The following COL28A1 variants were observed in gnomAD, a reference collection of about 807,000 sequenced individuals.
COL28A1 encodes collagen type XXVIII alpha 1 chain.
COL28A1 carries 161 observed loss-of-function variants against 150.2 expected under a neutral mutation model. The ratio of observed to expected loss-of-function variants is 1.07; its 90% CI spans 0.94 to 1.22. The LOEUF (loss-of-function observed/expected upper bound fraction) is 1.22, where lower values mean the gene tolerates loss of function less well. COL28A1 is among the 50% of genes most tolerant of loss of function. The probability of loss-of-function intolerance (pLI) is 0.00; values close to 1 mark genes in which losing one functional copy is unlikely to be tolerated. For missense variants in COL28A1, 1,617 were observed against 1,388.3 expected (o/e 1.16, Z -2.62); for synonymous variants, 552 against 469.7 (o/e 1.18, Z -2.26).
chr7:7,417,688 T>C, intron 27 of COL28A1, 171 bp downstream of exon 27: 1 of 664,008 alleles, frequency 1.5e-6, no homozygotes, highest in Middle Eastern at 3.1e-4. Context: ...AGTATTGTAC[T>C]CATACCATTT....
At position 7,373,005 on chromosome 7, in the gene COL28A1, G is replaced by A; in HGVS notation, c.2901C>T (p.Thr967=). ...CCAGATAGCCTTCCTTACCTTGCAG[G>A]GTAAAGAAATCATCAAACTGGTAAA... ...EHVYQFDDFF[T]LQDTLKQKLF... is the part of the protein sequence containing the mutation. The change falls in exon 32 of 35, where the codon ACC becomes ACT. Residue 967 remains threonine (T), a synonymous_variant. Coordinates refer to ENST00000399429, the MANE Select transcript of COL28A1 (RefSeq NM_001037763.3). This position sits in a 1 kb window ranked among gnomAD's most constrained non-coding sequence, Gnocchi z 4.1. 1.2e-6 allele frequency: 2 copies of A among 1,612,698 alleles called. No homozygotes were observed. Among genetic ancestry groups the A allele is most frequent in the East Asian group, 4.5e-5 (2 of 44,876 alleles).
chr7:7,499,349 G>A (rs750283510), intron 11 of COL28A1, among the ~76,000 whole-genome samples: 3 of 152,092 alleles, frequency 2.0e-5, no homozygotes, highest in Non-Finnish European at 4.4e-5. Flanking sequence ...TTGTTGTCCT[G>A]CCAGAAGAAC....
At chr7:7,490,934 T>A (rs1413319072) in intron 11 of COL28A1, among the ~76,000 whole-genome samples, 2 of 152,180 alleles carry the variant, frequency 1.3e-5, no homozygotes, top group Non-Finnish European at 2.9e-5. Flanking sequence ...ATAAACATAA[T>A]GACTATATAA....
intron 27 of COL28A1, among the ~76,000 whole-genome samples, chr7:7,396,589 G>A (rs6947368): frequency 0.089 from 13,574 of 152,076 alleles, 864 homozygotes; most frequent in East Asian, 0.22. Flanking sequence ...GGACTAAGAC[G>A]GCCTAATGCT....
chr7:7,351,466 C>T (rs1780228961), downstream of COL28A1, among the ~76,000 whole-genome samples: 1 of 152,032 alleles, frequency 6.6e-6, no homozygotes, highest in African/African-American at 2.4e-5. Flanking sequence ...CCAAGAATGC[C>T]CAGTTGCTTG....
chr7:7,477,173 C>T lies in COL28A1; in HGVS notation c.1172G>A (p.Arg391His), dbSNP rs771884981. Residue 391 changes from arginine to histidine, a missense_variant, in exon 14 of 35, where the codon CGT becomes CAT. By Grantham distance (29) the Arg-to-His change is conservative. Coordinates refer to ENST00000399429, the MANE Select transcript of COL28A1 (RefSeq NM_001037763.3). Reference protein sequence around the residue: ...GVGEPGQPGPRGPEGVPGERG... With the variant: ...GVGEPGQPGPHGPEGVPGERG... ...CTCTCCTGGTACTCCCTCAGGACCA[C>T]GGGGACCCTGGTTAGGATAGGAGAA... 4.4e-5 allele frequency: 54 copies of T among 1,241,222 alleles called. No homozygotes were observed. Among genetic ancestry groups the T allele is most frequent in the East Asian group, 2.3e-4 (10 of 43,290 alleles). The allele number at this position is 1,241,222 out of a possible 1,614,324, so 76.9% of individuals were successfully genotyped here.
chr7:7,410,796 AAGGAAAAATTCCTCATGT>A (rs1783746733), intron 27 of COL28A1, among the ~76,000 whole-genome samples: 1 of 152,182 alleles, frequency 6.6e-6, no homozygotes, highest in South Asian at 2.1e-4. Flanking sequence ...TTAGAAGATG[AAGGAAAAATTCCTCATGT>A]CAATACTTTT....
chr7:7,424,527 G>T, intron 25 of COL28A1, among the ~76,000 whole-genome samples: 1 of 152,174 alleles, frequency 6.6e-6, no homozygotes, highest in East Asian at 1.9e-4. Flanking sequence ...AATTACAACA[G>T]GTTGTCGCAT....
intron 30 of COL28A1, among the ~76,000 whole-genome samples, chr7:7,378,961 T>G (rs1259745175): frequency 6.6e-6 from 1 of 152,244 alleles, no homozygotes; most frequent in Non-Finnish European, 1.5e-5. Context: ...CCAAATCCCC[T>G]GAAACCACCT....
intron 13 of COL28A1, among the ~76,000 whole-genome samples, chr7:7,484,385 A>C (rs1296257333): frequency 6.6e-6 from 1 of 152,202 alleles, no homozygotes; most frequent in African/African-American, 2.4e-5. Context: ...GTTTACTGCT[A>C]ACATATTTTT....
At chr7:7,424,376 G>C (rs1024355915) in intron 25 of COL28A1, among the ~76,000 whole-genome samples, 1 of 152,094 alleles carries the variant, frequency 6.6e-6, no homozygotes, top group African/African-American at 2.4e-5. Flanking sequence ...AGAGAATTGC[G>C]GACAGGTCTT....
chr7:7,345,917 G>A, the COL28A1 span, among the ~76,000 whole-genome samples: 1 of 151,940 alleles, frequency 6.6e-6, no homozygotes, highest in South Asian at 2.1e-4. Context: ...TCTAATTTGA[G>A]ATTATCTCTC....
intron 25 of COL28A1, among the ~76,000 whole-genome samples, chr7:7,425,291 G>T (rs886929728): frequency 1.3e-5 from 2 of 152,048 alleles, no homozygotes; most frequent in African/African-American, 4.8e-5. Context: ...ATGTGGACTG[G>T]GACTAGATGC....
At chr7:7,453,738 C>T (rs1786902721) in intron 16 of COL28A1, among the ~76,000 whole-genome samples, 1 of 149,706 alleles carries the variant, frequency 6.7e-6, no homozygotes, top group South Asian at 2.1e-4. Context: ...GACCACGTTT[C>T]TCAGTCCCTG....
At chr7:7,463,183 C>T (rs1214414655) in intron 15 of COL28A1, among the ~76,000 whole-genome samples, 2 of 152,128 alleles carry the variant, frequency 1.3e-5, no homozygotes, top group African/African-American at 2.4e-5. Context: ...GCTCAAAGAA[C>T]ACCTGGGAGA....
intron 11 of COL28A1, among the ~76,000 whole-genome samples, chr7:7,492,889 T>C (rs938496132): frequency 6.6e-6 from 1 of 150,832 alleles, no homozygotes; most frequent in East Asian, 1.9e-4. Context: ...TGATTAAGTT[T>C]TCTGAGCAGC....
At chr7:7,527,358 T>C (rs1054767091) in intron 3 of COL28A1, among the ~76,000 whole-genome samples, 4 of 152,244 alleles carry the variant, frequency 2.6e-5, no homozygotes, top group Non-Finnish European at 4.4e-5. Context: ...GTGGGTTTTC[T>C]GGATGGTTTT....
At chr7:7,504,307 G>A (rs930489174) in intron 11 of COL28A1, among the ~76,000 whole-genome samples, 1 of 151,974 alleles carries the variant, frequency 6.6e-6, no homozygotes, top group African/African-American at 2.4e-5. Flanking sequence ...GACTCAACTG[G>A]GCAACAAAGC....
intron 18 of COL28A1, among the ~76,000 whole-genome samples, chr7:7,449,884 C>G (rs1421001718): frequency 6.6e-6 from 1 of 152,010 alleles, no homozygotes; most frequent in Non-Finnish European, 1.5e-5. Context: ...GAAAGACTTG[C>G]TATTTAATCT....
Sources: gnomAD v4.1 joint callset for allele counts (sites outside exome capture counted in the v4.1 genomes callset) on GRCh38, gnomAD v4.1.1 for gene constraint, Gnocchi (gnomAD v3.1) non-coding constraint, MANE v1.5 for transcripts, NCBI Gene and HGNC (gene_info 2026-07-23, HGNC 2026-07-21) for gene names.